Variants in ZBTB20 observed in about 807,000 individuals in gnomAD.
ZBTB20 encodes zinc finger and BTB domain-containing protein 20.
In ZBTB20, 9 loss-of-function variants were observed where a neutral mutation model predicts 56.9. The observed-to-expected ratio is 0.16, with a 90% CI of 0.10 to 0.28. The LOEUF is 0.28. Ranked by LOEUF, ZBTB20 falls within the 10% of genes least tolerant of loss-of-function variation. ZBTB20 has a pLI of 1.00. For missense variants in ZBTB20, 655 were observed against 1,003.0 expected (o/e 0.65, Z 4.69); for synonymous variants, 417 against 420.7 (o/e 0.99, Z 0.11).
intron 6 of ZBTB20, chr3:114,527,280 A>AG (rs1162577943): frequency 8.5e-5 from 13 of 152,240 alleles, no homozygotes; most frequent in African/African-American, 3.1e-4. Context: ...GGCAAATCTT[A>AG]GGGAGCAGAA....
chr3:114,351,430 G>A lies in ZBTB20; in HGVS notation c.648C>T (p.Pro216=), dbSNP rs150633071. ...DSGQDTPRGT[P]ESGTSGQSSD... ...TGCTCTGGCCTGACGTGCCTGACTC[G>A]GGAGTGCCCCGCGGCGTGTCCTGGC... is the stretch of plus-strand genomic sequence containing the variant. The change falls in exon 11 of 12, where the codon CCC becomes CCT. Residue 216 remains proline, a synonymous_variant. Transcript: ENST00000675478. 2.0e-5 allele frequency: 32 copies of A among 1,613,094 alleles called. No homozygotes were observed. Among genetic ancestry groups the A allele is most frequent in the South Asian group, 9.9e-5 (9 of 91,074 alleles).
chr3:114,567,113 C>A (rs138826512), intron 6 of ZBTB20, among the ~76,000 whole-genome samples: 339 of 152,262 alleles, frequency 2.2e-3, no homozygotes, highest in Non-Finnish European at 3.9e-3. Flanking sequence ...AATGGCCACA[C>A]AGGGTGTTAT....
chr3:115,088,804 T>C (rs542230307), intron 1 of ZBTB20, among the ~76,000 whole-genome samples: 24 of 151,906 alleles, frequency 1.6e-4, no homozygotes, highest in African/African-American at 5.8e-4. Flanking sequence ...TTCATTGAAA[T>C]TTAAATGCAA....
chr3:114,813,459 A>T (rs1467160319), intron 4 of ZBTB20, among the ~76,000 whole-genome samples: 1 of 151,990 alleles, frequency 6.6e-6, no homozygotes, highest in Non-Finnish European at 1.5e-5. Context: ...AATTAACAAT[A>T]AAAAAAATAG....
chr3:114,393,744 C>T (rs796310013), intron 7 of ZBTB20, among the ~76,000 whole-genome samples: 34 of 152,292 alleles, frequency 2.2e-4, no homozygotes, highest in African/African-American at 7.7e-4. Flanking sequence ...CACAAATTCT[C>T]CCTAGAACCT....
intron 3 of ZBTB20, among the ~76,000 whole-genome samples, chr3:114,927,434 G>A (rs1215987274): frequency 1.3e-5 from 2 of 152,100 alleles, no homozygotes; most frequent in African/African-American, 4.8e-5. Context: ...CCTTAACGTT[G>A]ACAAAATAAA....
chr3:114,425,405 G>A (rs1374511401), intron 7 of ZBTB20, among the ~76,000 whole-genome samples: 2 of 152,142 alleles, frequency 1.3e-5, no homozygotes, highest in Non-Finnish European at 2.9e-5. Flanking sequence ...TGTCTTCTAG[G>A]TCTCCTTTTC....
intron 1 of ZBTB20, among the ~76,000 whole-genome samples, chr3:115,139,298 A>G (rs1428318698): frequency 6.6e-6 from 1 of 152,010 alleles, no homozygotes; most frequent in African/African-American, 2.4e-5. Flanking sequence ...TACCATTCAT[A>G]CTAGCAAAAA....
chr3:114,450,050 G>A (rs1376752073), intron 7 of ZBTB20, among the ~76,000 whole-genome samples: 3 of 152,134 alleles, frequency 2.0e-5, no homozygotes, highest in Non-Finnish European at 1.5e-5. Context: ...AGCCTTAATG[G>A]GGCAATTTAC....
intron 1 of ZBTB20, among the ~76,000 whole-genome samples, chr3:115,080,987 T>C (rs79076909): frequency 0.011 from 1,610 of 152,238 alleles, 18 homozygotes; most frequent in African/African-American, 0.031. Context: ...TAGAAGAATA[T>C]AGAAATACAT....
intron 4 of ZBTB20, among the ~76,000 whole-genome samples, chr3:114,841,887 G>GT (rs1201238549): frequency 6.6e-6 from 1 of 152,148 alleles, no homozygotes; most frequent in Non-Finnish European, 1.5e-5. Flanking sequence ...ACTGCCCAAT[G>GT]TGAGGAGAGA....
At chr3:114,531,628 A>T (rs914120487) in intron 6 of ZBTB20, among the ~76,000 whole-genome samples, 1 of 152,156 alleles carries the variant, frequency 6.6e-6, no homozygotes, top group African/African-American at 2.4e-5. Context: ...GAGGGGAGAG[A>T]AGTTTTGCTT....
intron 7 of ZBTB20, among the ~76,000 whole-genome samples, chr3:114,458,097 G>A (rs1221559041): frequency 1.3e-5 from 2 of 152,144 alleles, no homozygotes; most frequent in Non-Finnish European, 2.9e-5. Context: ...TGCTGAAAAT[G>A]GATGAAGGGA....
chr3:114,662,159 G>T (rs1198666120), intron 6 of ZBTB20, among the ~76,000 whole-genome samples: 1 of 150,332 alleles, frequency 6.7e-6, no homozygotes, highest in Non-Finnish European at 1.5e-5. Flanking sequence ...ACGGTGTTTG[G>T]TTTTTTGTTC....
intron 2 of ZBTB20, among the ~76,000 whole-genome samples, chr3:114,974,960 G>A (rs1407231771): frequency 6.6e-6 from 1 of 152,110 alleles, no homozygotes; most frequent in Non-Finnish European, 1.5e-5. Flanking sequence ...AAGATGCAAA[G>A]GGTAACATGT....
intron 4 of ZBTB20, among the ~76,000 whole-genome samples, chr3:114,808,743 T>A (rs1318538538): frequency 6.6e-6 from 1 of 152,098 alleles, no homozygotes; most frequent in African/African-American, 2.4e-5. Flanking sequence ...TATGTTTATA[T>A]CATGTCTATA....
At chr3:114,766,519 G>GTT (rs2108723968) in intron 5 of ZBTB20, among the ~76,000 whole-genome samples, 1 of 151,418 alleles carries the variant, frequency 6.6e-6, no homozygotes, top group East Asian at 1.9e-4. Flanking sequence ...GTGTGTGTGT[G>GTT]TGTGTGTGTG....
chr3:115,006,049 T>C lies in ZBTB20; in HGVS notation c.-506-31633A>G, dbSNP rs145724694. 5.3e-4 allele frequency among the ~76,000 whole-genome samples: 80 copies of C among 151,804 alleles called. 1 individual carries two copies. The highest frequency in any genetic ancestry group is 1.8e-3 in the African/African-American group (76 of 41,458). On this transcript the variant is annotated intron_variant, in intron 2 of 11. Coordinates refer to ENST00000675478, the MANE Select transcript of ZBTB20 (RefSeq NM_001348800.3). ...TTTGTTATTGCTTTCTGATCTACTATAAAATGCTTTTCTTCTATGGAGGCT... is the reference window on the plus strand; with the variant it reads ...TTTGTTATTGCTTTCTGATCTACTACAAAATGCTTTTCTTCTATGGAGGCT...
chr3:114,603,177 A>G (rs1485051021), intron 6 of ZBTB20, among the ~76,000 whole-genome samples: 1 of 152,070 alleles, frequency 6.6e-6, no homozygotes, highest in African/African-American at 2.4e-5. Context: ...CAACACAGAA[A>G]GAGGAAAGGT....
Sources: allele counts gnomAD v4.1 joint callset (sites outside exome capture counted in the v4.1 genomes callset), GRCh38; gene constraint gnomAD v4.1.1; transcripts MANE v1.5; gene names NCBI Gene and HGNC (gene_info 2026-07-23, HGNC 2026-07-21).